APP: variants seen among roughly 807,000 people sequenced by gnomAD.
The protein encoded by APP is amyloid-beta precursor protein.
APP carries 31 observed loss-of-function variants against 101.4 expected under a neutral mutation model. The ratio of observed to expected loss-of-function variants is 0.31; its 90% confidence interval spans 0.23 to 0.41. The LOEUF is 0.41. APP is among the 10% of genes least tolerant of loss of function. APP has a pLI of 1.00. For missense variants in APP, 839 were observed against 1,003.7 expected, an observed-to-expected ratio of 0.84 and a Z score of 2.22; for synonymous variants, 366 against 364.4, an observed-to-expected ratio of 1.00 and a Z score of -0.05.
intron 3 of APP, among the ~76,000 whole-genome samples, chr21:26,073,363 C>T (rs541630611): frequency 6.6e-6 from 1 of 152,192 alleles, no homozygotes; most frequent in South Asian, 2.1e-4. Context: ...GGGGAGAATG[C>T]ACCCATCAAC....
chr21:25,889,110 G>T (rs1402925727), intron 17 of APP, among the ~76,000 whole-genome samples: 1 of 152,268 alleles, frequency 6.6e-6, no homozygotes, highest in South Asian at 2.1e-4. Context: ...GGGCTAAAAC[G>T]TGTCCCCCTA....
chr21:26,029,551 G>T (rs2044728835), intron 5 of APP, among the ~76,000 whole-genome samples: 1 of 152,056 alleles, frequency 6.6e-6, no homozygotes, highest in Admixed American at 6.6e-5. Context: ...GAAGTCCAGG[G>T]GCCAAAGATA....
chr21:26,022,731 T>C (rs935502326), intron 5 of APP, among the ~76,000 whole-genome samples: 2 of 152,226 alleles, frequency 1.3e-5, no homozygotes, highest in African/African-American at 4.8e-5. Context: ...TTACTTCTCA[T>C]AGTGCACATA....
chr21:25,933,408 T>G (rs28455650), intron 13 of APP, among the ~76,000 whole-genome samples: 36,702 of 152,224 alleles, frequency 0.24, 7,396 homozygotes, highest in African/African-American at 0.55. Flanking sequence ...CAGCCTGTCT[T>G]CTTTACGCTA....
chr21:25,897,835 C>A, intron 15 of APP, 162 bp from the exon 16 acceptor site: 1 of 642,082 alleles, frequency 1.6e-6, no homozygotes, highest in Non-Finnish European at 2.7e-6. Context: ...ATATTTAAAA[C>A]TTCAATTACT....
chr21:26,025,805 C>T (rs972157354), intron 5 of APP, among the ~76,000 whole-genome samples: 6 of 152,200 alleles, frequency 3.9e-5, no homozygotes, highest in African/African-American at 1.4e-4. Flanking sequence ...GAACTCAGGT[C>T]CAAGTTCTTA....
chr21:26,067,984 C>T (rs1366121682), intron 3 of APP: 11 of 151,754 alleles, frequency 7.2e-5, no homozygotes, highest in East Asian at 5.8e-4. Context: ...AGGTTATATA[C>T]GGGGCTTTTT....
chr21:25,890,549 T>A (rs2037622199), intron 17 of APP, among the ~76,000 whole-genome samples: 1 of 152,082 alleles, frequency 6.6e-6, no homozygotes, highest in Non-Finnish European at 1.5e-5. Context: ...GAGACCAGCC[T>A]GACCAATATG....
chr21:26,140,474 T>C, intron 1 of APP: 1 of 792,118 alleles, frequency 1.3e-6, no homozygotes, highest in Non-Finnish European at 1.8e-6. Context: ...TTGGGTAGAG[T>C]AAATCAATTT....
At chr21:26,146,339 G>C (rs1031421134) in intron 1 of APP, among the ~76,000 whole-genome samples, 8 of 152,212 alleles carry the variant, frequency 5.3e-5, no homozygotes, top group African/African-American at 1.9e-4. Context: ...ATTGACAGTA[G>C]ATGAAAATGC....
chr21:25,945,361 A>G (rs1007199108), intron 13 of APP, among the ~76,000 whole-genome samples: 7 of 149,372 alleles, frequency 4.7e-5, no homozygotes, highest in Non-Finnish European at 1.0e-4. Context: ...AATGATCTAC[A>G]GATCCAATGC....
intron 3 of APP, among the ~76,000 whole-genome samples, chr21:26,070,328 T>G (rs1007125402): frequency 6.6e-6 from 1 of 152,182 alleles, no homozygotes; most frequent in African/African-American, 2.4e-5. Context: ...GTAAATCAAT[T>G]TGGCAGGACT....
At chr21:26,024,376 C>G (rs907501550) in intron 5 of APP, among the ~76,000 whole-genome samples, 1 of 151,918 alleles carries the variant, frequency 6.6e-6, no homozygotes, top group East Asian at 1.9e-4. Context: ...TTCTGGCCAA[C>G]AAGGAGAAGC....
In APP at chr21:25,963,247, C is replaced by T. The variant is rs563270004; in HGVS notation, c.1459-7492G>A. On this transcript the variant is annotated intron_variant, in intron 11 of 17. Transcript: ENST00000346798. ...ATACATTTGACTAATGGCAGGATGA[C>T]TCAATGCCAGTCACGTCTGAATATG... Among the ~76,000 whole-genome samples the T allele has an allele frequency of 2.6e-5, 4 of 152,306 alleles. No homozygotes were observed. In the East Asian group the frequency reaches 7.7e-4, roughly 29 times the overall value.
At chr21:26,066,076 G>A (rs2046442703) in intron 3 of APP, among the ~76,000 whole-genome samples, 1 of 152,100 alleles carries the variant, frequency 6.6e-6, no homozygotes, top group Admixed American at 6.5e-5. Context: ...CACACTTTGA[G>A]AAATGATATT....
intron 2 of APP, among the ~76,000 whole-genome samples, chr21:26,105,036 A>T (rs1194258893): frequency 6.7e-6 from 1 of 150,024 alleles, no homozygotes. Flanking sequence ...TAGCTCTGTC[A>T]ATGGTAACTA....
intron 5 of APP, 81 bp from the exon 6 acceptor site, chr21:26,022,123 T>C: frequency 6.5e-7 from 1 of 1,527,570 alleles, no homozygotes; most frequent in Non-Finnish European, 9.0e-7. Flanking sequence ...CCATATGGAA[T>C]TTTGGCAATT....
intron 5 of APP, among the ~76,000 whole-genome samples, chr21:26,026,256 T>C (rs2044569355): frequency 2.0e-5 from 3 of 152,216 alleles, no homozygotes; most frequent in Non-Finnish European, 4.4e-5. Flanking sequence ...TTATAGTGGG[T>C]GGCTTTTACA....
chr21:26,045,349 A>G (rs184391822), intron 5 of APP, among the ~76,000 whole-genome samples: 1 of 152,218 alleles, frequency 6.6e-6, no homozygotes, highest in African/African-American at 2.4e-5. Context: ...AGTATTTGTA[A>G]GACGGATATA....
Sources: allele counts gnomAD v4.1 joint callset (sites outside exome capture counted in the v4.1 genomes callset), GRCh38; gene constraint gnomAD v4.1.1; transcripts MANE v1.5; gene names NCBI Gene and HGNC (gene_info 2026-07-23, HGNC 2026-07-21).